The following RAB3GAP2 variants were observed in gnomAD, a reference collection of about 807,000 sequenced individuals.
RAB3GAP2 encodes the protein rab3 GTPase-activating protein non-catalytic subunit.
In RAB3GAP2, 87 loss-of-function variants were observed where a neutral mutation model predicts 185.3. The observed-to-expected ratio is 0.47, with a 90% CI of 0.39 to 0.56. The LOEUF is 0.56. RAB3GAP2 is among the 20% of genes least tolerant of loss of function. The probability of loss-of-function intolerance (pLI) is 0.00; values close to 1 mark genes in which losing one functional copy is unlikely to be tolerated. For missense variants in RAB3GAP2, 1,492 were observed against 1,638.2 expected, an observed-to-expected ratio of 0.91 and a Z score of 1.54; for synonymous variants, 554 against 576.1, an observed-to-expected ratio of 0.96 and a Z score of 0.55.
At chr1:220,166,084 T>C (rs1658055880) in intron 26 of RAB3GAP2, among the ~76,000 whole-genome samples, 1 of 152,248 alleles carries the variant, frequency 6.6e-6, no homozygotes, top group Non-Finnish European at 1.5e-5. Flanking sequence ...AGCCTAAATA[T>C]GATCGCCATT....
chr1:220,253,725 T>C (rs1392970719), intron 1 of RAB3GAP2: 3 of 1,610,760 alleles, frequency 1.9e-6, no homozygotes, highest in Non-Finnish European at 2.5e-6. Flanking sequence ...GGAATAAAAA[T>C]TGGGATGAGT....
intron 17 of RAB3GAP2, among the ~76,000 whole-genome samples, chr1:220,187,764 T>C (rs1031144415): frequency 6.6e-6 from 1 of 152,050 alleles, no homozygotes; most frequent in Admixed American, 6.6e-5. Flanking sequence ...TCCACTTGGC[T>C]GTTGATCTCT....
intron 2 of RAB3GAP2, among the ~76,000 whole-genome samples, chr1:220,224,005 CAAAAA>C (rs1170784100): frequency 1.6e-4 from 14 of 90,182 alleles, no homozygotes; most frequent in Non-Finnish European, 2.4e-4. Flanking sequence ...GACCCTATCT[CAAAAA>C]AAAAAAAAAA....
intron 17 of RAB3GAP2, among the ~76,000 whole-genome samples, chr1:220,186,492 G>C (rs1171718511): frequency 6.6e-6 from 1 of 152,152 alleles, no homozygotes; most frequent in Non-Finnish European, 1.5e-5. Flanking sequence ...ATGTTGGTCA[G>C]GCCTATAATG....
At chr1:220,206,048 T>A in intron 7 of RAB3GAP2, 42 bp from the exon 8 acceptor site, 3 of 1,214,020 alleles carry the variant, frequency 2.5e-6, no homozygotes, top group African/African-American at 1.5e-5. Flanking sequence ...AATAGATAAA[T>A]AAGCTTATCT....
chr1:220,246,028 T>C (rs904331442), intron 1 of RAB3GAP2, among the ~76,000 whole-genome samples: 1 of 152,162 alleles, frequency 6.6e-6, no homozygotes, highest in African/African-American at 2.4e-5. Context: ...CCTACCCATC[T>C]GACAAAGGGC....
At chr1:220,272,147 G>A in intron 1 of RAB3GAP2, 76 bp downstream of exon 1, 3 of 1,251,240 alleles carry the variant, frequency 2.4e-6, no homozygotes, top group South Asian at 1.3e-5. Context: ...GGCGCAGAGC[G>A]AGTAGGAGAC....
At position 220,149,148 on chromosome 1, in the gene RAB3GAP2, A is replaced by C. The variant is rs1292462648; in HGVS notation, c.*2103T>G. 3 of 152,162 alleles carry C rather than the reference A, an allele frequency of 2.0e-5. No individual in the cohort carries two copies. Among genetic ancestry groups the C allele is most frequent in the Non-Finnish European group, 4.4e-5 (3 of 68,024 alleles). 9.4% of individuals were successfully genotyped at this position (152,162 alleles called of 1,614,324 possible). On this transcript the variant is annotated 3_prime_UTR_variant, in exon 35 of 35. Coordinates refer to ENST00000358951, the MANE Select transcript of RAB3GAP2 (RefSeq NM_012414.4). ...TTATTTGCCTTTCTTCCTATCAATC[A>C]GATTTATTTATTTTAAAAGCCCTTG...
chr1:220,188,695 C>T (rs779295236), intron 17 of RAB3GAP2, among the ~76,000 whole-genome samples: 1 of 152,110 alleles, frequency 6.6e-6, no homozygotes, highest in Non-Finnish European at 1.5e-5. Context: ...TAGGTATAAA[C>T]GCCAGAGAGA....
At chr1:220,260,132 C>T (rs990491987) in intron 1 of RAB3GAP2, among the ~76,000 whole-genome samples, 5 of 152,190 alleles carry the variant, frequency 3.3e-5, no homozygotes, top group Admixed American at 2.6e-4. Flanking sequence ...TGCTTTTACA[C>T]TGTTGGTGGG....
chr1:220,151,785 A>G, intron 33 of RAB3GAP2, 21 bp from the exon 34 acceptor site: 1 of 1,583,716 alleles, frequency 6.3e-7, no homozygotes. Flanking sequence ...GAACATGGAG[A>G]AATAATACAG....
intron 23 of RAB3GAP2, among the ~76,000 whole-genome samples, chr1:220,171,654 G>C (rs1163365863): frequency 6.6e-6 from 1 of 152,038 alleles, no homozygotes; most frequent in Non-Finnish European, 1.5e-5. Context: ...TCCACCATGA[G>C]CTGTAAAGGA....
At chr1:220,267,903 T>G (rs1660257306) in intron 1 of RAB3GAP2, 2 of 762,454 alleles carry the variant, frequency 2.6e-6, no homozygotes, top group Non-Finnish European at 4.7e-6. Context: ...GCAGTTTTCT[T>G]CAGATTGGTC....
intron 2 of RAB3GAP2, among the ~76,000 whole-genome samples, chr1:220,214,835 T>A (rs1224531130): frequency 6.6e-6 from 1 of 151,124 alleles, no homozygotes; most frequent in Non-Finnish European, 1.5e-5. Context: ...ACTCTAGCCA[T>A]CTAGTTGTTA....
At chr1:220,260,196 G>A (rs1050998264) in intron 1 of RAB3GAP2, among the ~76,000 whole-genome samples, 4 of 152,176 alleles carry the variant, frequency 2.6e-5, no homozygotes, top group East Asian at 1.9e-4. Flanking sequence ...CCTCAAAGAC[G>A]TAGAGGCAGA....
chr1:220,194,012 T>C (rs1354002185), intron 12 of RAB3GAP2, among the ~76,000 whole-genome samples: 1 of 152,112 alleles, frequency 6.6e-6, no homozygotes, highest in Non-Finnish European at 1.5e-5. Context: ...TTATTGACTC[T>C]TGATATTAGG....
intron 31 of RAB3GAP2, among the ~76,000 whole-genome samples, chr1:220,154,721 CTT>C (rs368964533): frequency 1.4e-4 from 19 of 133,296 alleles, no homozygotes; most frequent in East Asian, 2.2e-4. Flanking sequence ...ACCCTGAATC[CTT>C]TTTTTTTTTT....
Position 220,233,513 on chromosome 1 carries a change from A to G in RAB3GAP2, c.116-650T>C, listed in dbSNP as rs558950239. Among the ~76,000 whole-genome samples the G allele has an allele frequency of 1.4e-4, 21 of 152,314 alleles. No homozygotes were observed. The South Asian group carries it at 4.3e-3, about 32-fold the overall frequency. On this transcript the variant is annotated intron_variant, in intron 1 of 34. Transcript: ENST00000358951. The stretch of plus-strand genomic sequence containing the variant: ...AGGTCCAGGTGACTGGTTTTTACAT[A>G]GTCATCTTTTAATTTATCAGAAGAG...
intron 1 of RAB3GAP2, among the ~76,000 whole-genome samples, chr1:220,259,458 T>C (rs796345787): frequency 7.2e-5 from 11 of 152,004 alleles, no homozygotes; most frequent in East Asian, 5.8e-4. Context: ...TTTGACAAAT[T>C]TGACAAAAAC....
Sources: allele counts gnomAD v4.1 joint callset (sites outside exome capture counted in the v4.1 genomes callset), GRCh38; gene constraint gnomAD v4.1.1; transcripts MANE v1.5; gene names NCBI Gene and HGNC (gene_info 2026-07-23, HGNC 2026-07-21).